RTTN: variants seen among roughly 807,000 people sequenced by gnomAD.
RTTN encodes rotatin.
RTTN carries 182 observed loss-of-function variants against 269.2 expected under a neutral mutation model. That is an observed-to-expected ratio of 0.68 (90% CI 0.60 to 0.76). The LOEUF is 0.76. Ranked by LOEUF, RTTN falls within the 30% of genes least tolerant of loss-of-function variation. The pLI, the probability that RTTN is intolerant of heterozygous loss-of-function variation, is 0.00. For synonymous variants in RTTN, 1,006 were observed against 963.5 expected (o/e 1.04, Z -0.82); for missense variants, 2,545 against 2,608.6 (o/e 0.98, Z 0.53).
intron 10 of RTTN, among the ~76,000 whole-genome samples, chr18:70,181,688 G>T (rs1398958443): frequency 6.6e-6 from 1 of 152,034 alleles, no homozygotes; most frequent in Non-Finnish European, 1.5e-5. Flanking sequence ...TTCCTTTAAT[G>T]ACTCAACAAA....
At chr18:70,092,562 A>C in intron 29 of RTTN, 114 bp downstream of exon 29, 3 of 1,198,110 alleles carry the variant, frequency 2.5e-6, no homozygotes, top group Non-Finnish European at 3.5e-6. Context: ...ACCTAAAAAG[A>C]AAAGTCAAAA....
At chr18:70,095,994 TTTTG>T (rs1442795650) in intron 28 of RTTN, among the ~76,000 whole-genome samples, 1 of 150,846 alleles carries the variant, frequency 6.6e-6, no homozygotes, top group Non-Finnish European at 1.5e-5. Flanking sequence ...GCTCATTCCC[TTTTG>T]TTTTTTTTTT....
intron 45 of RTTN, chr18:70,019,174 A>G (rs975786390): frequency 6.6e-6 from 1 of 152,194 alleles, no homozygotes; most frequent in Non-Finnish European, 1.5e-5. Context: ...TAGCACCAGA[A>G]TAACAGATTA....
intron 28 of RTTN, among the ~76,000 whole-genome samples, chr18:70,102,382 G>C (rs1288285919): frequency 6.6e-6 from 1 of 151,948 alleles, no homozygotes; most frequent in African/African-American, 2.4e-5. Flanking sequence ...TTATCGGAGA[G>C]AGGATTGCAA....
intron 16 of RTTN, among the ~76,000 whole-genome samples, chr18:70,149,396 A>G (rs2060479458): frequency 2.0e-5 from 3 of 152,072 alleles, no homozygotes; most frequent in Non-Finnish European, 2.9e-5. Flanking sequence ...TGCTACACGC[A>G]TGGAATCTGT....
intron 4 of RTTN, 81 bp downstream of exon 4, chr18:70,201,813 T>C: frequency 2.5e-6 from 2 of 813,956 alleles, no homozygotes; most frequent in Admixed American, 2.5e-5. Flanking sequence ...TTGGTAAAAA[T>C]ACATCTTCAC....
At chr18:70,150,774 CT>C in intron 14 of RTTN, 41 bp from the exon 15 acceptor site, 1 of 1,453,816 alleles carries the variant, frequency 6.9e-7, no homozygotes, top group African/African-American at 1.4e-5. Flanking sequence ...ATTAGCAACA[CT>C]GATTTTTCCA....
chr18:70,176,506 G>C (rs1387290830), intron 11 of RTTN, among the ~76,000 whole-genome samples, 169 bp downstream of exon 11: 2 of 152,132 alleles, frequency 1.3e-5, no homozygotes, highest in African/African-American at 4.8e-5. Context: ...TGTTCAAAAT[G>C]TTAGCCATTT....
intron 28 of RTTN, among the ~76,000 whole-genome samples, chr18:70,094,770 G>C (rs2058951388): frequency 6.6e-6 from 1 of 152,074 alleles, no homozygotes; most frequent in Admixed American, 6.5e-5. Context: ...GTTGATTTGG[G>C]GTGGAGAGTT....
chr18:70,046,256 C>G (rs1190472070), intron 40 of RTTN, among the ~76,000 whole-genome samples: 1 of 152,056 alleles, frequency 6.6e-6, no homozygotes, highest in East Asian at 1.9e-4. Context: ...TGCAGGACAC[C>G]CACAGTCATC....
intron 46 of RTTN, among the ~76,000 whole-genome samples, chr18:70,009,711 A>C (rs976073163): frequency 2.6e-5 from 4 of 152,212 alleles, no homozygotes; most frequent in African/African-American, 7.2e-5. Context: ...TAATGACAGG[A>C]TCAAATTCAC....
intron 7 of RTTN, among the ~76,000 whole-genome samples, chr18:70,193,972 G>T (rs535314356): frequency 6.4e-4 from 98 of 152,260 alleles, no homozygotes; most frequent in African/African-American, 2.2e-3. Flanking sequence ...GTACACCAAG[G>T]GAACATTACA....
chr18:70,067,394 C>T (rs1044522864), intron 34 of RTTN, among the ~76,000 whole-genome samples: 2 of 152,064 alleles, frequency 1.3e-5, no homozygotes, highest in African/African-American at 2.4e-5. Context: ...CTCCTGACCT[C>T]GTGATCCGCC....
chr18:70,136,241 T>C (rs938165244), intron 21 of RTTN, among the ~76,000 whole-genome samples: 1 of 152,054 alleles, frequency 6.6e-6, no homozygotes, highest in Non-Finnish European at 1.5e-5. Context: ...CAGCAATGCC[T>C]TTGCCTGATT....
intron 11 of RTTN, among the ~76,000 whole-genome samples, chr18:70,173,027 T>A (rs2061184224): frequency 6.6e-6 from 1 of 152,138 alleles, no homozygotes; most frequent in African/African-American, 2.4e-5. Flanking sequence ...TTGTCACTCT[T>A]CAAAACAGAA....
At chr18:70,055,518 T>C (rs2057793161) in intron 37 of RTTN, among the ~76,000 whole-genome samples, 1 of 152,102 alleles carries the variant, frequency 6.6e-6, no homozygotes, top group South Asian at 2.1e-4. Context: ...TTACTTTATA[T>C]AAAAGTGTAG....
chr18:70,150,729 C>T lies in RTTN; in HGVS notation c.1934G>A (p.Cys645Tyr). ...YHCCLEITKE[C>Y]LGVHNVTKPV... ...TTTAGTGACATTATGGACACCTAAACATTCCTGTAAAATAATATTAAAAAG... is the reference window on the plus strand; with the variant it reads ...TTTAGTGACATTATGGACACCTAAATATTCCTGTAAAATAATATTAAAAAG... The change falls in exon 15 of 49, where the codon TGT becomes TAT. Residue 645 changes from cysteine (C) to tyrosine (Y), a missense_variant. Coordinates refer to ENST00000640769, the MANE Select transcript of RTTN (RefSeq NM_173630.4). The T allele has an allele frequency of 4.4e-6, 7 of 1,583,154 alleles. No homozygotes were observed. The highest frequency in any genetic ancestry group is 1.4e-5 in the African/African-American group (1 of 73,684).
intron 40 of RTTN, among the ~76,000 whole-genome samples, chr18:70,047,158 C>T (rs117825434): frequency 5.9e-5 from 9 of 152,312 alleles, no homozygotes; most frequent in Non-Finnish European, 1.0e-4. Flanking sequence ...AATCTTCTAT[C>T]TTTGCCAAAC....
chr18:70,180,102 T>G (rs570129136), intron 10 of RTTN, among the ~76,000 whole-genome samples: 1 of 151,772 alleles, frequency 6.6e-6, no homozygotes, highest in Admixed American at 6.6e-5. Context: ...TCATGGTTCA[T>G]TCTCACGCTC....
Sources: gnomAD v4.1 joint callset for allele counts (sites outside exome capture counted in the v4.1 genomes callset) on GRCh38, gnomAD v4.1.1 for gene constraint, MANE v1.5 for transcripts, NCBI Gene and HGNC (gene_info 2026-07-23, HGNC 2026-07-21) for gene names.